C1GALT1: variants seen among roughly 807,000 people sequenced by gnomAD.
C1GALT1 encodes core 1 synthase, glycoprotein-N-acetylgalactosamine 3-beta-galactosyltransferase 1, also known as glycoprotein-N-acetylgalactosamine 3-beta-galactosyltransferase 1.
C1GALT1 carries 11 observed loss-of-function variants against 31.0 expected under a neutral mutation model. The observed-to-expected ratio is 0.36, with a 90% CI of 0.22 to 0.59. The LOEUF is 0.59. Among genes scored for constraint, C1GALT1 ranks in the 20% least tolerant of loss-of-function variants. C1GALT1 has a pLI of 0.79. For missense variants in C1GALT1, 424 were observed against 425.2 expected, an observed-to-expected ratio of 1.00 and a Z score of 0.03; for synonymous variants, 175 against 143.6, an observed-to-expected ratio of 1.22 and a Z score of -1.56.
intron 2 of C1GALT1, among the ~76,000 whole-genome samples, chr7:7,166,682 G>A (rs996919446): frequency 5.9e-5 from 9 of 152,132 alleles, no homozygotes; most frequent in African/African-American, 1.4e-4. Context: ...GTTGAAATCC[G>A]TGTTATACTA....
At chr7:7,189,928 A>AAGCC (rs775463666) in intron 1 of C1GALT1, among the ~76,000 whole-genome samples, 17 of 152,114 alleles carry the variant, frequency 1.1e-4, no homozygotes, top group Non-Finnish European at 1.0e-4. Context: ...TTTCTTCAAT[A>AAGCC]AGCCACCTTT....
intron 2 of C1GALT1, among the ~76,000 whole-genome samples, chr7:7,161,787 A>G (rs1442409837): frequency 6.6e-6 from 1 of 152,186 alleles, no homozygotes; most frequent in South Asian, 2.1e-4. Flanking sequence ...GAAAACATGA[A>G]TACTTTCCAT....
intron 1 of C1GALT1, among the ~76,000 whole-genome samples, chr7:7,222,834 G>A (rs769000049): frequency 6.6e-6 from 1 of 152,076 alleles, no homozygotes; most frequent in Non-Finnish European, 1.5e-5. Flanking sequence ...ATAATCATTT[G>A]AAGAAAGAAT....
At position 7,182,732 on chromosome 7, in the gene C1GALT1, G is replaced by A; in HGVS notation, c.-106G>A. 1.1e-6 allele frequency: 1 copy of A among 905,654 alleles called. No individual in the cohort carries two copies. The highest frequency in any genetic ancestry group is 1.3e-6 in the Non-Finnish European group (1 of 756,968). The allele number at this position is 905,654 out of a possible 1,614,324, so 56.1% of individuals were successfully genotyped here. A position where few individuals can be genotyped will look rare whatever the true frequency, so the allele number is the denominator to read the frequency against. Reference sequence around the variant, plus strand: ...CTAGCGGCCACGAGCCACTTCTGCGGCTGCCCAGAGAAGCAAAGGTCACCA... The same window carrying A: ...CTAGCGGCCACGAGCCACTTCTGCGACTGCCCAGAGAAGCAAAGGTCACCA... On this transcript the variant is annotated 5_prime_UTR_variant, in exon 1 of 4. Coordinates refer to ENST00000436587, the MANE Select transcript of C1GALT1 (RefSeq NM_020156.5).
At chr7:7,233,501 G>A (rs536979236) in intron 1 of C1GALT1, among the ~76,000 whole-genome samples, 1 of 152,288 alleles carries the variant, frequency 6.6e-6, no homozygotes, top group African/African-American at 2.4e-5. Context: ...TCAAGCTCCT[G>A]ACTTCAAGTG....
chr7:7,233,706 A>C (rs149656414), intron 1 of C1GALT1, among the ~76,000 whole-genome samples: 6 of 152,244 alleles, frequency 3.9e-5, no homozygotes, highest in Non-Finnish European at 7.3e-5. Flanking sequence ...GGTGTGTTCA[A>C]ATAAAACTCT....
intron 1 of C1GALT1, among the ~76,000 whole-genome samples, chr7:7,193,960 AT>A (rs1162481866): frequency 6.6e-6 from 1 of 151,474 alleles, no homozygotes; most frequent in African/African-American, 2.4e-5. Flanking sequence ...TGAGTTCTTG[AT>A]TTGATTTGCA....
chr7:7,182,313 A>G (rs1235017962), upstream of C1GALT1, among the ~76,000 whole-genome samples: 1 of 152,214 alleles, frequency 6.6e-6, no homozygotes, highest in Non-Finnish European at 1.5e-5. Context: ...AAGCTAGTGC[A>G]TAACCTTACA....
At chr7:7,203,120 G>T (rs1263261045) in intron 1 of C1GALT1, among the ~76,000 whole-genome samples, 1 of 140,366 alleles carries the variant, frequency 7.1e-6, no homozygotes, top group African/African-American at 2.7e-5. Flanking sequence ...AATCTTTAGG[G>T]TTCCCTGCAT....
chr7:7,205,012 G>A (rs1253880902), intron 1 of C1GALT1, among the ~76,000 whole-genome samples: 2 of 152,140 alleles, frequency 1.3e-5, no homozygotes, highest in African/African-American at 4.8e-5. Flanking sequence ...TTATTGTTAG[G>A]CAGAATGTTC....
chr7:7,196,995 C>T (rs757239208), intron 1 of C1GALT1, among the ~76,000 whole-genome samples: 2 of 152,158 alleles, frequency 1.3e-5, no homozygotes, highest in Non-Finnish European at 2.9e-5. Context: ...TGTAGGTTGC[C>T]CGTTCACTCT....
intron 1 of C1GALT1, among the ~76,000 whole-genome samples, chr7:7,208,914 A>T (rs1781871044): frequency 6.6e-6 from 1 of 152,164 alleles, no homozygotes; most frequent in Admixed American, 6.5e-5. Flanking sequence ...ACTGTCCAGG[A>T]CTTTTTCTTG....
At chr7:7,190,836 G>A (rs1781039800) in intron 1 of C1GALT1, among the ~76,000 whole-genome samples, 1 of 151,992 alleles carries the variant, frequency 6.6e-6, no homozygotes, top group Non-Finnish European at 1.5e-5. Context: ...TTGGTCCAAA[G>A]TTTTAGAATA....
At chr7:7,209,957 A>G (rs1781916349) in intron 1 of C1GALT1, among the ~76,000 whole-genome samples, 1 of 152,122 alleles carries the variant, frequency 6.6e-6, no homozygotes, top group South Asian at 2.1e-4. Context: ...CGGGGGACAC[A>G]AGGTGCTCAG....
At chr7:7,185,925 A>C (rs1780793576) in intron 1 of C1GALT1, among the ~76,000 whole-genome samples, 1 of 152,218 alleles carries the variant, frequency 6.6e-6, no homozygotes, top group Non-Finnish European at 1.5e-5. Context: ...TACATATATC[A>C]GTGATGTCTT....
chr7:7,230,108 T>TAAG (rs1782996585), intron 1 of C1GALT1, among the ~76,000 whole-genome samples: 1 of 152,198 alleles, frequency 6.6e-6, no homozygotes, highest in African/African-American at 2.4e-5. Context: ...GCCTGAAATA[T>TAAG]AAGATATATA....
At chr7:7,171,402 G>A (rs6977663) in intron 2 of C1GALT1, among the ~76,000 whole-genome samples, 70,745 of 151,584 alleles carry the variant, frequency 0.47, 17,162 homozygotes, top group East Asian at 0.74. Context: ...GAAGTTTTTT[G>A]CCTAATATTA....
chr7:7,207,453 A>G (rs1781800515), intron 1 of C1GALT1, among the ~76,000 whole-genome samples: 1 of 141,600 alleles, frequency 7.1e-6, no homozygotes, highest in Admixed American at 7.5e-5. Context: ...CTGGGACTGT[A>G]GTTGTGCACA....
chr7:7,233,187 G>C (rs1397207140), intron 1 of C1GALT1, among the ~76,000 whole-genome samples: 1 of 152,034 alleles, frequency 6.6e-6, no homozygotes, highest in Non-Finnish European at 1.5e-5. Context: ...TGTGTCCCAG[G>C]TACCCTACTT....
Sources: gnomAD v4.1 joint callset for allele counts (sites outside exome capture counted in the v4.1 genomes callset) on GRCh38, gnomAD v4.1.1 for gene constraint, MANE v1.5 for transcripts, NCBI Gene and HGNC (gene_info 2026-07-23, HGNC 2026-07-21) for gene names.